KYNU: variants seen among roughly 807,000 people sequenced by gnomAD.
The protein encoded by KYNU is L-kynurenine hydrolase.
A neutral mutation model predicts 59.2 loss-of-function variants in KYNU; 54 were observed. The ratio of observed to expected loss-of-function variants is 0.91; its 90% CI spans 0.73 to 1.14. The LOEUF is 1.14. Ranked by LOEUF, KYNU falls within the 50% of genes most tolerant of loss-of-function variation. The pLI, the probability that KYNU is intolerant of heterozygous loss-of-function variation, is 0.00. For missense variants in KYNU, 567 were observed against 554.4 expected (o/e 1.02, Z -0.23); for synonymous variants, 177 against 192.0 (o/e 0.92, Z 0.65).
In KYNU at chr2:142,925,759, A is replaced by G. The variant is rs6714380; in HGVS notation, c.291-1900A>G. On this transcript the variant is annotated intron_variant, in intron 3 of 13. Coordinates refer to ENST00000264170, the MANE Select transcript of KYNU (RefSeq NM_003937.3). ...ACCTTGGAAATCTGCAAAGGAGGAA[A>G]AACAGTGCTCTAGTCCTCTGGTCTT... Among the ~76,000 whole-genome samples the G allele has an allele frequency of 2.3e-3, 348 of 152,310 alleles. 1 individual carries two copies. Among genetic ancestry groups the G allele is most frequent in the African/African-American group, 7.9e-3 (328 of 41,574 alleles).
At chr2:142,924,769 T>C (rs1385743548) in intron 3 of KYNU, among the ~76,000 whole-genome samples, 1 of 152,264 alleles carries the variant, frequency 6.6e-6, no homozygotes, top group African/African-American at 2.4e-5. Flanking sequence ...GCTGCGACTA[T>C]TTTAAGTAGC....
In KYNU at chr2:142,885,375, C is replaced by A. The variant is rs1267770545; in HGVS notation, c.8C>A (p.Pro3His). The A allele has an allele frequency of 1.2e-6, 2 of 1,613,830 alleles. No homozygotes were observed. Among genetic ancestry groups the A allele is most frequent in the Admixed American group, 1.7e-5 (1 of 60,006 alleles). Residue 3 changes from proline to histidine, a missense_variant, in exon 2 of 14, where the codon CCT (proline) becomes CAT (histidine). Transcript: ENST00000264170. ME[P>H]SSLELPADTV... ...TTTAGAGAACAACTTGTAATGGAGC[C>A]TTCATCTCTTGAGCTGCCGGCTGAC...
intron 2 of KYNU, among the ~76,000 whole-genome samples, chr2:142,909,502 T>G (rs561826532): frequency 6.6e-6 from 1 of 152,196 alleles, no homozygotes; most frequent in Non-Finnish European, 1.5e-5. Flanking sequence ...CCTCCCTTTA[T>G]AGCTATATGT....
intron 3 of KYNU, among the ~76,000 whole-genome samples, chr2:142,925,733 T>TA (rs1442772072): frequency 2.6e-5 from 4 of 152,198 alleles, no homozygotes; most frequent in African/African-American, 7.2e-5. Flanking sequence ...GGAGTATTTA[T>TA]ACCTTGGAAA....
intron 10 of KYNU, among the ~76,000 whole-genome samples, chr2:143,003,220 A>G (rs1433241838): frequency 1.3e-5 from 2 of 152,062 alleles, no homozygotes; most frequent in African/African-American, 2.4e-5. Flanking sequence ...TATCTGTTCA[A>G]ATTAACTTAA....
chr2:142,885,352 T>C lies in KYNU; in HGVS notation c.-16T>C, dbSNP rs201777413. 1.6e-5 allele frequency: 26 copies of C among 1,612,860 alleles called. No individual in the cohort carries two copies. Among genetic ancestry groups the C allele is most frequent in the Middle Eastern group, 3.3e-4 (2 of 6,060 alleles). ...ATGTTTTATTATTCTCTTTCAGTTT[T>C]AGAGAACAACTTGTAATGGAGCCTT... On this transcript the variant is annotated 5_prime_UTR_variant, in exon 2 of 14. Transcript: ENST00000264170.
At chr2:142,910,958 T>C (rs984061590) in intron 2 of KYNU, among the ~76,000 whole-genome samples, 3 of 152,172 alleles carry the variant, frequency 2.0e-5, no homozygotes, top group Admixed American at 6.5e-5. Flanking sequence ...TACCATGGTG[T>C]TTTGGTTATT....
At chr2:142,976,549 G>A (rs997372715) in intron 8 of KYNU, among the ~76,000 whole-genome samples, 5 of 152,056 alleles carry the variant, frequency 3.3e-5, no homozygotes, top group Non-Finnish European at 5.9e-5. Context: ...TGTAATGATC[G>A]CCTTCTCTAT....
At chr2:142,914,154 G>A (rs1558918264) in intron 2 of KYNU, among the ~76,000 whole-genome samples, 1 of 152,158 alleles carries the variant, frequency 6.6e-6, no homozygotes, top group Non-Finnish European at 1.5e-5. Flanking sequence ...TGAGGTCAAG[G>A]GCTTCTCCCA....
intron 3 of KYNU, among the ~76,000 whole-genome samples, chr2:142,925,616 T>G (rs975082378): frequency 6.6e-6 from 1 of 152,206 alleles, no homozygotes; most frequent in Non-Finnish European, 1.5e-5. Context: ...TTCCAATAAA[T>G]GTGGTCTCAT....
At chr2:142,920,590 G>A (rs1455234958) in intron 3 of KYNU, among the ~76,000 whole-genome samples, 2 of 152,018 alleles carry the variant, frequency 1.3e-5, no homozygotes, top group African/African-American at 4.8e-5. Flanking sequence ...CTATTGTTTT[G>A]TCTTTTATAT....
chr2:142,945,882 C>T (rs1683760402), intron 4 of KYNU, among the ~76,000 whole-genome samples: 1 of 151,742 alleles, frequency 6.6e-6, no homozygotes, highest in Non-Finnish European at 1.5e-5. Context: ...GGATTACAGG[C>T]ATGCACCACC....
intron 8 of KYNU, among the ~76,000 whole-genome samples, chr2:142,980,496 A>G (rs1401680201): frequency 6.6e-6 from 1 of 152,096 alleles, no homozygotes; most frequent in Non-Finnish European, 1.5e-5. Flanking sequence ...TCTGATTCAA[A>G]CACCTCTGAT....
chr2:143,028,616 C>T (rs1686647461), intron 10 of KYNU, among the ~76,000 whole-genome samples: 3 of 150,178 alleles, frequency 2.0e-5, no homozygotes, highest in South Asian at 2.2e-4. Flanking sequence ...GAGGCTGAGG[C>T]GGGCTGATCA....
intron 2 of KYNU, among the ~76,000 whole-genome samples, chr2:142,915,935 T>C (rs1244902978): frequency 1.3e-5 from 2 of 152,036 alleles, no homozygotes; most frequent in Non-Finnish European, 2.9e-5. Flanking sequence ...TATGTTGTGA[T>C]GTTCTTATAA....
intron 2 of KYNU, among the ~76,000 whole-genome samples, chr2:142,896,634 C>T (rs1170597088): frequency 6.6e-6 from 1 of 151,970 alleles, no homozygotes. Flanking sequence ...GCATCCTTGA[C>T]CTTCTTGGGC....
At chr2:142,914,261 G>C (rs1168027295) in intron 2 of KYNU, among the ~76,000 whole-genome samples, 2 of 152,218 alleles carry the variant, frequency 1.3e-5, no homozygotes, top group Non-Finnish European at 2.9e-5. Context: ...CCCCAGGTCT[G>C]TACTGGTCCC....
intron 4 of KYNU, among the ~76,000 whole-genome samples, chr2:142,944,141 T>G (rs1297231833): frequency 6.6e-5 from 10 of 152,260 alleles, no homozygotes; most frequent in Admixed American, 5.9e-4. Context: ...ATTTTTCTTC[T>G]ACAAGACTTT....
intron 8 of KYNU, among the ~76,000 whole-genome samples, chr2:142,979,190 C>T (rs1684980454): frequency 6.6e-6 from 1 of 152,144 alleles, no homozygotes; most frequent in Non-Finnish European, 1.5e-5. Context: ...AACATATTCT[C>T]AACTACTATT....
Sources: gnomAD v4.1 joint callset for allele counts (sites outside exome capture counted in the v4.1 genomes callset) on GRCh38, gnomAD v4.1.1 for gene constraint, MANE v1.5 for transcripts, NCBI Gene and HGNC (gene_info 2026-07-23, HGNC 2026-07-21) for gene names.